Variants in TENM2 observed in about 807,000 individuals in gnomAD.
The protein encoded by TENM2 is teneurin transmembrane protein 2, also known as teneurin-2.
Under a neutral mutation model 245.2 loss-of-function variants are expected in TENM2, and 52 were observed. That is an observed-to-expected ratio of 0.21 (90% CI 0.17 to 0.27). The LOEUF is 0.27. Ranked by LOEUF, TENM2 falls within the 10% of genes least tolerant of loss-of-function variation. The pLI is 1.00. For synonymous variants in TENM2, 1,363 were observed against 1,438.9 expected, an observed-to-expected ratio of 0.95 and a Z score of 1.19; for missense variants, 3,046 against 3,666.8, an observed-to-expected ratio of 0.83 and a Z score of 4.37.
chr5:167,871,402 C>A (rs561320432), intron 2 of TENM2, among the ~76,000 whole-genome samples: 1 of 147,060 alleles, frequency 6.8e-6, no homozygotes, highest in African/African-American at 2.6e-5. Context: ...AACTGGCTAT[C>A]GGTACTTTAA....
chr5:167,726,883 T>C (rs1760047681), intron 2 of TENM2, among the ~76,000 whole-genome samples: 1 of 152,194 alleles, frequency 6.6e-6, no homozygotes, highest in Admixed American at 6.5e-5. Context: ...CCCCTAGCTT[T>C]CAGTTTTATC....
chr5:167,652,087 C>T lies in TENM2; in HGVS notation c.503-223899C>T, dbSNP rs574968941. ...CTATCTTATGCTCTTCTTTTCAGTT[C>T]TTAATGGTAGGGTTTTCTTTTGTTG... On this transcript the variant is annotated intron_variant, in intron 2 of 28. Transcript: ENST00000518659. Among the ~76,000 whole-genome samples, 3 of 152,206 alleles carry T rather than the reference C, an allele frequency of 2.0e-5. No homozygotes were observed. In the South Asian group the frequency reaches 6.2e-4, roughly 32 times the overall value.
At chr5:168,178,500 G>A (rs1040410568) in intron 13 of TENM2, among the ~76,000 whole-genome samples, 1 of 152,136 alleles carries the variant, frequency 6.6e-6, no homozygotes, top group African/African-American at 2.4e-5. Context: ...TATAAAAAAC[G>A]TGGCTCTAGG....
At chr5:167,728,722 C>G (rs1466863966) in intron 2 of TENM2, 2 of 152,586 alleles carry the variant, frequency 1.3e-5, no homozygotes, top group African/African-American at 4.8e-5. Context: ...CTCTGTGGTC[C>G]TGCACCTCCC....
At chr5:167,559,751 G>T (rs1342840503) in intron 2 of TENM2, among the ~76,000 whole-genome samples, 1 of 152,174 alleles carries the variant, frequency 6.6e-6, no homozygotes, top group African/African-American at 2.4e-5. Context: ...AGAGAAAGAA[G>T]TCTTCTCTTC....
intron 2 of TENM2, among the ~76,000 whole-genome samples, chr5:167,519,974 C>G (rs1007313315): frequency 6.6e-6 from 1 of 151,946 alleles, no homozygotes; most frequent in African/African-American, 2.4e-5. Context: ...TTGAAAATAC[C>G]GAAAACATTC....
chr5:167,709,973 G>A (rs190313079), intron 2 of TENM2, among the ~76,000 whole-genome samples: 212 of 152,226 alleles, frequency 1.4e-3, no homozygotes, highest in Non-Finnish European at 2.6e-3. Flanking sequence ...GAGGCTGTTG[G>A]GATCTCGAAC....
chr5:167,163,123 T>TG, the TENM2 span, among the ~76,000 whole-genome samples: 9 of 152,038 alleles, frequency 5.9e-5, no homozygotes, highest in Admixed American at 1.3e-4. Context: ...TCTTCAGAGG[T>TG]GGGGGGTCTC....
At chr5:167,775,949 C>T (rs538320424) in intron 2 of TENM2, among the ~76,000 whole-genome samples, 1 of 151,906 alleles carries the variant, frequency 6.6e-6, no homozygotes, top group African/African-American at 2.4e-5. Flanking sequence ...TATTTTGAAC[C>T]ATTTTCAAGA....
At chr5:167,101,055 C>G in the TENM2 span, among the ~76,000 whole-genome samples, 5 of 152,148 alleles carry the variant, frequency 3.3e-5, no homozygotes, top group African/African-American at 1.2e-4. Flanking sequence ...CAAAAATAAC[C>G]AAAATTTATA....
At chr5:167,149,534 C>T in the TENM2 span, among the ~76,000 whole-genome samples, 1 of 152,000 alleles carries the variant, frequency 6.6e-6, no homozygotes, top group South Asian at 2.1e-4. Context: ...TCTTCCTAAA[C>T]TCTCTCTCCA....
At chr5:167,737,229 C>T (rs1760864993) in intron 2 of TENM2, among the ~76,000 whole-genome samples, 2 of 152,182 alleles carry the variant, frequency 1.3e-5, no homozygotes, top group African/African-American at 4.8e-5. Context: ...CCCGGCTCAC[C>T]CCGTGAGCTC....
chr5:168,059,597 T>A (rs1789856861), intron 6 of TENM2, among the ~76,000 whole-genome samples: 1 of 152,154 alleles, frequency 6.6e-6, no homozygotes, highest in Non-Finnish European at 1.5e-5. Flanking sequence ...TCCTTACTCC[T>A]TTTTATATTA....
chr5:167,834,735 C>T (rs896755909), intron 2 of TENM2, among the ~76,000 whole-genome samples: 1 of 151,674 alleles, frequency 6.6e-6, no homozygotes, highest in East Asian at 1.9e-4. Flanking sequence ...CTGCAAGCTC[C>T]GCCTCCCAGG....
At chr5:167,571,729 C>T (rs1774277136) in intron 2 of TENM2, among the ~76,000 whole-genome samples, 1 of 152,162 alleles carries the variant, frequency 6.6e-6, no homozygotes, top group East Asian at 1.9e-4. Flanking sequence ...ACCTCGGGCC[C>T]CTTCCCCTGT....
the TENM2 span, among the ~76,000 whole-genome samples, chr5:167,117,449 G>A: frequency 2.0e-5 from 3 of 152,132 alleles, no homozygotes; most frequent in Non-Finnish European, 4.4e-5. Flanking sequence ...CTTGCAGTGA[G>A]CCAAGATCGC....
In TENM2 at chr5:167,475,470, C is replaced by T. The variant is rs948896785; in HGVS notation, c.502+99997C>T. On this transcript the variant is annotated intron_variant, in intron 2 of 28. Coordinates refer to ENST00000518659, the Ensembl canonical transcript of TENM2. ...CATATTTAAAAATTTATTTAAAAAG[C>T]ATATAATTTTTTTTTGTTTGTTTTT... Among the ~76,000 whole-genome samples, 30 of 151,988 alleles carry T rather than the reference C, an allele frequency of 2.0e-4. 1 individual carries two copies. Among genetic ancestry groups the T allele is most frequent in the African/African-American group, 6.5e-4 (27 of 41,356 alleles).
At chr5:167,945,037 G>T (rs1176398503) in intron 3 of TENM2, among the ~76,000 whole-genome samples, 1 of 152,158 alleles carries the variant, frequency 6.6e-6, no homozygotes, top group Admixed American at 6.5e-5. Context: ...CAATCAACTA[G>T]AATGCTCTAG....
chr5:167,393,075 T>A (rs1761850237), intron 2 of TENM2, among the ~76,000 whole-genome samples: 2 of 148,612 alleles, frequency 1.3e-5, no homozygotes, highest in Admixed American at 1.4e-4. Context: ...TGAGCCAAGA[T>A]CATGCTACTG....
Sources: allele counts gnomAD v4.1 joint callset (sites outside exome capture counted in the v4.1 genomes callset), GRCh38; gene constraint gnomAD v4.1.1; transcripts MANE v1.5; gene names NCBI Gene and HGNC (gene_info 2026-07-23, HGNC 2026-07-21).